Variants in SAMD12 observed in about 807,000 individuals in gnomAD.
The protein encoded by SAMD12 is sterile alpha motif domain-containing protein 12.
Under a neutral mutation model 15.0 loss-of-function variants are expected in SAMD12, and 9 were observed. The observed-to-expected ratio is 0.60, with a 90% CI of 0.36 to 1.05. The LOEUF (loss-of-function observed/expected upper bound fraction) is 1.05, where lower values mean the gene tolerates loss of function less well. Among genes scored for constraint, SAMD12 ranks in the 50% least tolerant of loss-of-function variants. SAMD12 has a pLI of 0.01. For missense variants in SAMD12, 230 were observed against 234.2 expected (o/e 0.98, Z 0.12); for synonymous variants, 86 against 90.1 (o/e 0.96, Z 0.25).
chr8:118,310,262 T>G (rs1815564174), intron 4 of SAMD12, among the ~76,000 whole-genome samples: 1 of 152,180 alleles, frequency 6.6e-6, no homozygotes, highest in African/African-American at 2.4e-5. Flanking sequence ...GCCTCAGACC[T>G]AATATTGTTG....
chr8:118,221,151 G>A (rs1041919270), intron 4 of SAMD12, among the ~76,000 whole-genome samples: 4 of 152,058 alleles, frequency 2.6e-5, no homozygotes, highest in African/African-American at 9.7e-5. Flanking sequence ...TAGTATTTAC[G>A]GTCTGGCTCT....
intron 2 of SAMD12, among the ~76,000 whole-genome samples, chr8:118,473,949 ATAG>A (rs1823884323): frequency 6.6e-6 from 1 of 152,014 alleles, no homozygotes; most frequent in African/African-American, 2.4e-5. Flanking sequence ...TAGCCACTTG[ATAG>A]TAGATTTTTT....
intron 4 of SAMD12, among the ~76,000 whole-genome samples, chr8:118,365,960 A>G (rs1818745717): frequency 6.6e-6 from 1 of 152,092 alleles, no homozygotes; most frequent in South Asian, 2.1e-4. Context: ...ATCAGCCACC[A>G]TGTTACTATG....
chr8:118,378,319 A>G lies in SAMD12; in HGVS notation c.*1098T>C, dbSNP rs553212280. 403 of 856,322 alleles carry G rather than the reference A, an allele frequency of 4.7e-4. No homozygotes were observed. The highest frequency in any genetic ancestry group is 5.5e-4 in the Non-Finnish European group (391 of 712,452). The allele number at this position is 856,322 out of a possible 1,614,324, so 53.0% of individuals were successfully genotyped here. A position where few individuals can be genotyped will look rare whatever the true frequency, so the allele number is the denominator to read the frequency against. The stretch of plus-strand genomic sequence containing the variant: ...GCACTGTGACAGACTTTCTTATCAT[A>G]ATCTTCGTATTTCTATCTACTTCTT... On this transcript the variant is annotated 3_prime_UTR_variant, in exon 4 of 4. Coordinates refer to ENST00000314727, the MANE Select transcript of SAMD12 (RefSeq NM_207506.3).
intron 2 of SAMD12, among the ~76,000 whole-genome samples, chr8:118,498,979 C>T (rs1391441088): frequency 6.6e-6 from 1 of 152,182 alleles, no homozygotes; most frequent in African/African-American, 2.4e-5. Context: ...TACATGCTGG[C>T]TTATCTAGAT....
intron 2 of SAMD12, among the ~76,000 whole-genome samples, chr8:118,513,963 G>GA (rs1825157342): frequency 6.6e-6 from 1 of 152,152 alleles, no homozygotes; most frequent in Non-Finnish European, 1.5e-5. Context: ...AAAGTTTCTA[G>GA]AAAACCTGAT....
At chr8:118,551,734 A>G (rs1292302311) in intron 2 of SAMD12, among the ~76,000 whole-genome samples, 2 of 150,910 alleles carry the variant, frequency 1.3e-5, no homozygotes, top group Non-Finnish European at 3.0e-5. Flanking sequence ...TAATGAATCC[A>G]GGAGCTGGTT....
intron 4 of SAMD12, among the ~76,000 whole-genome samples, chr8:118,323,827 CA>C (rs200915631): frequency 1.3e-5 from 2 of 150,568 alleles, no homozygotes; most frequent in Non-Finnish European, 3.0e-5. Context: ...GATCCTGTCT[CA>C]AAAAAAAATC....
chr8:118,538,207 C>T (rs1416980797), intron 2 of SAMD12, among the ~76,000 whole-genome samples: 2 of 151,914 alleles, frequency 1.3e-5, no homozygotes, highest in Non-Finnish European at 2.9e-5. Context: ...TCTCTCTCTC[C>T]CTCTCTCTGG....
chr8:118,389,612 G>A (rs1820158990), intron 3 of SAMD12, among the ~76,000 whole-genome samples: 1 of 152,082 alleles, frequency 6.6e-6, no homozygotes. Flanking sequence ...CTACTGGGGA[G>A]GCTGAGGCAG....
intron 3 of SAMD12, among the ~76,000 whole-genome samples, chr8:118,393,342 C>T (rs1320470695): frequency 6.6e-6 from 1 of 152,026 alleles, no homozygotes; most frequent in African/African-American, 2.4e-5. Flanking sequence ...TAGGTGCACA[C>T]CACCATGGCC....
intron 3 of SAMD12, among the ~76,000 whole-genome samples, chr8:118,381,774 G>A (rs780052989): frequency 2.0e-5 from 3 of 152,184 alleles, no homozygotes; most frequent in South Asian, 2.1e-4. Context: ...TTCTGACCCC[G>A]ATAAGTGTAA....
intron 4 of SAMD12, among the ~76,000 whole-genome samples, chr8:118,247,964 T>C (rs950794157): frequency 7.9e-5 from 12 of 152,148 alleles, no homozygotes; most frequent in African/African-American, 2.9e-4. Flanking sequence ...TATTAATTCA[T>C]TCATGCTCAG....
chr8:118,509,605 A>T (rs1417008648), intron 2 of SAMD12, among the ~76,000 whole-genome samples: 1 of 152,144 alleles, frequency 6.6e-6, no homozygotes, highest in African/African-American at 2.4e-5. Flanking sequence ...CTTCCCTAAA[A>T]CTCAAAATGT....
At chr8:118,616,364 ATGAGACATAG>A (rs1185507459) in intron 1 of SAMD12, among the ~76,000 whole-genome samples, 2,918 of 152,298 alleles carry the variant, frequency 0.019, 75 homozygotes, top group African/African-American at 0.064. Context: ...AGGATGAGAC[ATGAGACATAG>A]TCCTTGCCGT....
chr8:118,183,616 T>C, the SAMD12 span, among the ~76,000 whole-genome samples: 1 of 152,330 alleles, frequency 6.6e-6, no homozygotes, highest in South Asian at 2.1e-4. Context: ...AATAATTGAA[T>C]CCCTTTAAGC....
chr8:118,148,348 A>C, the SAMD12 span, among the ~76,000 whole-genome samples: 20 of 152,314 alleles, frequency 1.3e-4, no homozygotes, highest in African/African-American at 4.6e-4. Context: ...ATTACAAATG[A>C]TCTAGAGGGA....
chr8:118,268,769 G>T (rs1014830437), intron 4 of SAMD12, among the ~76,000 whole-genome samples: 5 of 152,086 alleles, frequency 3.3e-5, no homozygotes, highest in African/African-American at 1.2e-4. Context: ...AGCTGAAATC[G>T]TGCCACTGCA....
chr8:118,458,079 A>AATGG (rs1823312809), intron 2 of SAMD12, among the ~76,000 whole-genome samples: 1 of 152,176 alleles, frequency 6.6e-6, no homozygotes, highest in Admixed American at 6.5e-5. Context: ...CCATTTGACA[A>AATGG]ACATCACCCA....
Sources: gnomAD v4.1 joint callset for allele counts (sites outside exome capture counted in the v4.1 genomes callset) on GRCh38, gnomAD v4.1.1 for gene constraint, MANE v1.5 for transcripts, NCBI Gene and HGNC (gene_info 2026-07-23, HGNC 2026-07-21) for gene names.